Variants in SLC29A3 observed in about 807,000 individuals in gnomAD.
SLC29A3 encodes the protein equilibrative nucleoside transporter 3.
In SLC29A3, 18 loss-of-function variants were observed where a neutral mutation model predicts 25.4. The ratio of observed to expected loss-of-function variants is 0.71; its 90% CI spans 0.49 to 1.05. SLC29A3 has a LOEUF of 1.05. Ranked by LOEUF, SLC29A3 falls within the 50% of genes least tolerant of loss-of-function variation. The probability of loss-of-function intolerance (pLI) is 0.00; values close to 1 mark genes in which losing one functional copy is unlikely to be tolerated. For synonymous variants in SLC29A3, 258 were observed against 267.1 expected, an observed-to-expected ratio of 0.97 and a Z score of 0.33; for missense variants, 586 against 609.0, an observed-to-expected ratio of 0.96 and a Z score of 0.40.
chr10:71,370,758 C>T (rs984025016), intron 3 of SLC29A3, among the ~76,000 whole-genome samples: 113 of 152,042 alleles, frequency 7.4e-4, no homozygotes, highest in African/African-American at 2.7e-3. Flanking sequence ...GAGAAAAGTG[C>T]CATTGTTTTG....
At chr10:71,369,966 C>G (rs969798389) in intron 3 of SLC29A3, among the ~76,000 whole-genome samples, 1 of 152,162 alleles carries the variant, frequency 6.6e-6, no homozygotes, top group African/African-American at 2.4e-5. Context: ...AGAGCACATG[C>G]TGGGTAGACA....
chr10:71,358,449 A>T (rs1389003468), intron 5 of SLC29A3, among the ~76,000 whole-genome samples: 2 of 152,194 alleles, frequency 1.3e-5, no homozygotes, highest in Non-Finnish European at 2.9e-5. Flanking sequence ...TGGGCTGCCC[A>T]GTCCTCCCCG....
intron 5 of SLC29A3, among the ~76,000 whole-genome samples, chr10:71,356,590 G>C (rs1846919344): frequency 6.6e-6 from 1 of 152,202 alleles, no homozygotes. Context: ...ACTTTGGGAG[G>C]CCAAGGCAGT....
chr10:71,372,510 G>A (rs1742232995), intron 3 of SLC29A3, among the ~76,000 whole-genome samples: 1 of 152,148 alleles, frequency 6.6e-6, no homozygotes, highest in Non-Finnish European at 1.5e-5. Flanking sequence ...TGTGGGACCT[G>A]AGAATTTGTA....
Position 71,356,144 on chromosome 10 carries a change from A to G in SLC29A3, c.674A>G (p.Asp225Gly), listed in dbSNP as rs140852642. Residue 225 changes from aspartate (D) to glycine (G), a missense_variant, in exon 5 of 6, where the codon GAT (aspartate) becomes GGT (glycine). Coordinates refer to ENST00000373189, the MANE Select transcript of SLC29A3 (RefSeq NM_018344.6). ...ASLVDLAASS[D>G]VRNSALAFFL... is the part of the protein sequence containing the mutation. ...TTGGTGGACTTGGCTGCATCCAGTG[A>G]TGTGAGGAACAGCGCCCTGGCCTTC... 4.7e-5 allele frequency: 76 copies of G among 1,614,114 alleles called. No homozygotes were observed. The highest frequency in any genetic ancestry group is 6.1e-5 in the Non-Finnish European group (72 of 1,180,012).
chr10:71,374,089 CA>C lies in SLC29A3; in HGVS notation c.*95-1605del, dbSNP rs1265008292. On this transcript the variant is annotated intron_variant and NMD_transcript_variant, in intron 3 of 4. Transcript: ENST00000642772. ...TTGATGTGTAACTTACATATGAAAA[CA>C]CCTGGTATAGGGCCTCCATTTGTAT... Among the ~76,000 whole-genome samples the C allele has an allele frequency of 2.6e-5, 4 of 152,282 alleles. No individual in the cohort carries two copies. In the South Asian group the frequency reaches 6.2e-4, roughly 24 times the overall value.
At chr10:71,333,090 CTCTT>C (rs1846158428) in intron 2 of SLC29A3, among the ~76,000 whole-genome samples, 1 of 152,232 alleles carries the variant, frequency 6.6e-6, no homozygotes, top group African/African-American at 2.4e-5. Context: ...GCTCCAGTGT[CTCTT>C]TAACATGATT....
intron 4 of SLC29A3, among the ~76,000 whole-genome samples, chr10:71,352,402 T>G (rs1282810648): frequency 6.6e-6 from 1 of 152,120 alleles, no homozygotes; most frequent in East Asian, 1.9e-4. Flanking sequence ...GCAGCTATTT[T>G]TGGATAACAT....
At chr10:71,330,998 C>T (rs1464540783) in intron 2 of SLC29A3, among the ~76,000 whole-genome samples, 1 of 152,122 alleles carries the variant, frequency 6.6e-6, no homozygotes, top group Non-Finnish European at 1.5e-5. Flanking sequence ...TGGGCCCTGT[C>T]AACCCAGGTA....
chr10:71,362,351 C>T lies in SLC29A3; in HGVS notation c.1171C>T (p.Pro391Ser). The change falls in exon 6 of 6, where the codon CCC (proline) becomes TCC (serine). Residue 391 changes from proline (P) to serine (S), a missense_variant. Pro to Ser is a moderately conservative substitution (Grantham distance 74). Coordinates refer to ENST00000373189, the MANE Select transcript of SLC29A3 (RefSeq NM_018344.6). Reference protein sequence around the residue: ...GFVLLRTCLIPLFVLCNYQPR... With the variant: ...GFVLLRTCLISLFVLCNYQPR... ...CGTGCTCCTCCGGACCTGCCTCATC[C>T]CCCTCTTCGTGCTCTGTAACTACCA... 1 of 1,614,190 alleles carries T rather than the reference C, an allele frequency of 6.2e-7. No individual in the cohort carries two copies. The highest frequency in any genetic ancestry group is 8.5e-7 in the Non-Finnish European group (1 of 1,180,038).
intron 4 of SLC29A3, among the ~76,000 whole-genome samples, chr10:71,377,263 C>G (rs934566558): frequency 6.6e-6 from 1 of 152,216 alleles, no homozygotes; most frequent in Non-Finnish European, 1.5e-5. Flanking sequence ...CTCCAGGTAT[C>G]CCCTGGGCTG....
intron 3 of SLC29A3, among the ~76,000 whole-genome samples, chr10:71,349,343 T>A: frequency 6.6e-6 from 1 of 152,158 alleles, no homozygotes; most frequent in East Asian, 1.9e-4. Context: ...TGCATGGCTT[T>A]TCCTCCATGT....
rs770787764 is a variant in SLC29A3, at chr10:71,323,063, AT to A, written c.300+10del. ...AGGGCTCAGACATCCTGGTAAGGGC[AT>A]GTTTCTCCTGCAAGGCTGGTGGGAG... is the stretch of plus-strand genomic sequence containing the variant. On this transcript the variant is annotated intron_variant, in intron 2 of 5. Transcript: ENST00000373189. The A allele has an allele frequency of 5.2e-4, 846 of 1,612,496 alleles. 2 individuals carry two copies. Among genetic ancestry groups the A allele is most frequent in the Middle Eastern group, 9.8e-4 (5 of 5,088 alleles).
rs1216673390 is a variant in SLC29A3 at position 71,362,658 on chromosome 10, G to A, written c.*50G>A. The A allele has an allele frequency of 6.2e-7, 1 of 1,611,160 alleles. No individual in the cohort carries two copies. Among genetic ancestry groups the A allele is most frequent in the Non-Finnish European group, 8.5e-7 (1 of 1,178,270 alleles). ...GCTTCAGAGCCTTTGAAGATGAGAAGAGAGTGCAGGAGGGCTGGGGGCCAT... is the reference window on the plus strand; with the variant it reads ...GCTTCAGAGCCTTTGAAGATGAGAAAAGAGTGCAGGAGGGCTGGGGGCCAT... On this transcript the variant is annotated 3_prime_UTR_variant, in exon 6 of 6. Transcript: ENST00000373189.
chr10:71,349,622 G>A (rs764237830), intron 3 of SLC29A3, among the ~76,000 whole-genome samples: 4 of 152,022 alleles, frequency 2.6e-5, no homozygotes, highest in Non-Finnish European at 2.9e-5. Context: ...ATGACTAGGC[G>A]AAGGAATGTT....
intron 2 of SLC29A3, among the ~76,000 whole-genome samples, chr10:71,324,429 A>G (rs78990619): frequency 0.036 from 5,539 of 152,232 alleles, 133 homozygotes; most frequent in Middle Eastern, 0.092. Context: ...CCTGGAACCA[A>G]TCCCTTGGGT....
At chr10:71,368,404 C>T (rs768146283) in intron 3 of SLC29A3, among the ~76,000 whole-genome samples, 5 of 152,214 alleles carry the variant, frequency 3.3e-5, no homozygotes, top group Non-Finnish European at 7.3e-5. Context: ...AGCTGCTTCC[C>T]TATGGCAGGC....
chr10:71,363,803 TTTTTC>T (rs1242971284), downstream of SLC29A3, among the ~76,000 whole-genome samples: 2 of 78,232 alleles, frequency 2.6e-5, no homozygotes, highest in African/African-American at 3.9e-5. Context: ...CTTTTTTTCC[TTTTTC>T]TTTTCTTTTT....
At chr10:71,349,863 G>A (rs1171196467) in intron 3 of SLC29A3, among the ~76,000 whole-genome samples, 2 of 152,178 alleles carry the variant, frequency 1.3e-5, no homozygotes, top group Non-Finnish European at 2.9e-5. Flanking sequence ...CCTCCAAATG[G>A]CCTTCCACGA....
Sources: gnomAD v4.1 joint callset for allele counts (sites outside exome capture counted in the v4.1 genomes callset) on GRCh38, gnomAD v4.1.1 for gene constraint, MANE v1.5 for transcripts, NCBI Gene and HGNC (gene_info 2026-07-23, HGNC 2026-07-21) for gene names.